NRK: variants seen among roughly 807,000 people sequenced by gnomAD.
NRK encodes the protein nik-related protein kinase.
Under a neutral mutation model 125.2 loss-of-function variants are expected in NRK, and 67 were observed. The ratio of observed to expected loss-of-function variants is 0.54; its 90% CI spans 0.44 to 0.66. The LOEUF is 0.66. Among genes scored for constraint, NRK ranks in the 30% least tolerant of loss-of-function variants. The probability of loss-of-function intolerance (pLI) is 0.00; values close to 1 mark genes in which losing one functional copy is unlikely to be tolerated. For synonymous variants in NRK, 458 were observed against 429.0 expected, an observed-to-expected ratio of 1.07 and a Z score of -0.84; for missense variants, 1,224 against 1,192.9, an observed-to-expected ratio of 1.03 and a Z score of -0.38.
At chrX:105,886,631 A>G (rs1014219474) in intron 4 of NRK, among the ~76,000 whole-genome samples, 2 of 106,627 alleles carry the variant, frequency 1.9e-5, no homozygotes, top group African/African-American at 3.4e-5. Context: ...AAGAATATAC[A>G]CTAAACAGTT....
intron 2 of NRK, among the ~76,000 whole-genome samples, chrX:105,863,283 A>G (rs2039625197): frequency 9.2e-6 from 1 of 108,230 alleles, no homozygotes; most frequent in Non-Finnish European, 1.9e-5. Context: ...CTTTATTTAG[A>G]CTGGCCAAAC....
chrX:105,825,319 T>C (rs2039078477), intron 1 of NRK, among the ~76,000 whole-genome samples: 1 of 112,213 alleles, frequency 8.9e-6, no homozygotes, highest in Non-Finnish European at 1.9e-5. Context: ...TTATCCTCAA[T>C]AGGACATATG....
intron 9 of NRK, 22 bp downstream of exon 9, chrX:105,900,694 T>G: frequency 1.0e-6 from 1 of 987,732 alleles, no homozygotes; most frequent in Non-Finnish European, 1.4e-6. Flanking sequence ...ATGTTTGATA[T>G]TTGTTAAAGA....
At chrX:105,840,843 CTG>C (rs1229943427) in intron 2 of NRK, among the ~76,000 whole-genome samples, 14 of 102,400 alleles carry the variant, frequency 1.4e-4, no homozygotes, top group South Asian at 8.1e-4. Flanking sequence ...ATGTATGTGT[CTG>C]TGTGTGTGTG....
Position 105,946,430 on chromosome X carries a change from C to T in NRK, c.4319C>T (p.Ser1440Phe). Residue 1440 changes from serine to phenylalanine, a missense_variant, in exon 26 of 29, where the codon TCT becomes TTT. Ser to Phe is a radical substitution (Grantham distance 155). Coordinates refer to ENST00000243300, the MANE Select transcript of NRK (RefSeq NM_198465.4). ...GGATATCACCTCATCGATGCAGAAT[C>T]TGAGGTTATGTCTGATGTGACCCTG... is the stretch of plus-strand genomic sequence containing the variant. ...ADGYHLIDAESEVMSDVTLPK... is the reference protein window; with the variant it reads ...ADGYHLIDAEFEVMSDVTLPK... The T allele has an allele frequency of 2.5e-6, 3 of 1,197,837 alleles. No homozygotes were observed. Among genetic ancestry groups the T allele is most frequent in the Non-Finnish European group, 2.3e-6 (2 of 884,388 alleles).
chrX:105,908,355 C>A, intron 12 of NRK, 52 bp downstream of exon 12: 1 of 610,598 alleles, frequency 1.6e-6, no homozygotes, highest in Non-Finnish European at 2.5e-6. Flanking sequence ...TCACATAAGG[C>A]CGTTGATTCC....
chrX:105,896,798 G>A (rs1454068465), intron 7 of NRK, among the ~76,000 whole-genome samples: 1 of 111,844 alleles, frequency 8.9e-6, no homozygotes, highest in Admixed American at 9.5e-5. Flanking sequence ...AACTATGATT[G>A]TGCCACTGCA....
chrX:105,825,290 A>G (rs185440422), intron 1 of NRK, among the ~76,000 whole-genome samples: 23 of 112,337 alleles, frequency 2.0e-4, no homozygotes, highest in African/African-American at 7.4e-4. Flanking sequence ...CCTTCATATG[A>G]TGGTATCCCT....
In NRK at chrX:105,909,076, A is replaced by G. The variant is rs771583983; in HGVS notation, c.1435A>G (p.Met479Val). 8.3e-7 allele frequency: 1 copy of G among 1,209,178 alleles called. No individual in the cohort carries two copies. Among genetic ancestry groups the G allele is most frequent in the East Asian group, 3.0e-5 (1 of 33,675 alleles). The change falls in exon 13 of 29, where the codon ATG becomes GTG. Residue 479 changes from methionine (M) to valine (V), a missense_variant. Met to Val is a conservative substitution (Grantham distance 21). Transcript: ENST00000243300. ...ACTACGGAGGGCAGCCAGGGTGCTC[A>G]TGCCACTACAGGCACAGGTTAGGGC... ...PRLRRAARVL[M>V]PLQAQVRAPR...
intron 2 of NRK, among the ~76,000 whole-genome samples, chrX:105,857,811 A>G (rs770567018): frequency 3.9e-4 from 44 of 111,773 alleles, no homozygotes; most frequent in African/African-American, 1.4e-3. Flanking sequence ...CAATAGTTAA[A>G]ACTAACTCTG....
chrX:105,911,035 C>G (rs150284612), intron 13 of NRK, among the ~76,000 whole-genome samples: 1,352 of 111,353 alleles, frequency 0.012, 8 homozygotes, highest in Non-Finnish European at 0.018. Context: ...GGTCAGAGAG[C>G]AAGCTGACCT....
intron 1 of NRK, among the ~76,000 whole-genome samples, chrX:105,827,709 G>A (rs1257948838): frequency 8.9e-6 from 1 of 112,063 alleles, no homozygotes; most frequent in Non-Finnish European, 1.9e-5. Context: ...AGTACAACAG[G>A]TTTGTCTAAC....
At chrX:105,892,319 A>C (rs1306985802) in intron 5 of NRK, among the ~76,000 whole-genome samples, 1 of 112,306 alleles carries the variant, frequency 8.9e-6, no homozygotes, top group Non-Finnish European at 1.9e-5. Flanking sequence ...TGAGATCTGA[A>C]GGATGAATAA....
intron 8 of NRK, 92 bp from the exon 9 acceptor site, chrX:105,900,526 A>T: frequency 1.8e-6 from 1 of 559,514 alleles, no homozygotes; most frequent in Non-Finnish European, 3.0e-6. Flanking sequence ...TGGCATTGAC[A>T]TCCACACCCC....
At chrX:105,882,173 C>A (rs1054803836) in intron 4 of NRK, among the ~76,000 whole-genome samples, 1 of 110,873 alleles carries the variant, frequency 9.0e-6, no homozygotes, top group African/African-American at 3.3e-5. Flanking sequence ...ACATTCTGGA[C>A]TAATTGCTTT....
chrX:105,912,752 TGAGG>T lies in NRK; in HGVS notation c.2347_2349+1del. On this transcript the variant is annotated splice_donor_variant and coding_sequence_variant, in exon 14 of 29. Coordinates refer to ENST00000243300, the MANE Select transcript of NRK (RefSeq NM_198465.4). LOFTEE classifies it high-confidence loss of function. ...CATACATTTCAAATCCTAAAAAAAT[TGAGG>T]TAAATTTTTCAATATGAGTTGTTGT... is the stretch of plus-strand genomic sequence containing the variant. 9.9e-7 allele frequency: 1 copy of T among 1,006,385 alleles called. No homozygotes were observed. 82.9% of individuals were successfully genotyped at this position (1,006,385 alleles called of 1,213,427 possible).
Position 105,934,247 on chromosome X carries a change from A to G in NRK, c.3313-11A>G. ...TAATGAAATAAAAATTGGTTTTTGG[A>G]CTTCTTTTAGGAGCCAGGTGGTGGA... On this transcript the variant is annotated splice_polypyrimidine_tract_variant and intron_variant, in intron 19 of 28. Coordinates refer to ENST00000243300, the MANE Select transcript of NRK (RefSeq NM_198465.4). 1 of 1,128,257 alleles carries G rather than the reference A, an allele frequency of 8.9e-7. No individual in the cohort carries two copies. Among genetic ancestry groups the G allele is most frequent in the Admixed American group, 3.0e-5 (1 of 33,416 alleles). 93.0% of individuals were successfully genotyped at this position (1,128,257 alleles called of 1,213,427 possible). A position where few individuals can be genotyped will look rare whatever the true frequency, so the allele number is the denominator to read the frequency against.
rs769050255 is a variant in NRK, at chrX:105,908,106, T to C, written c.1022-134T>C. On this transcript the variant is annotated intron_variant, in intron 11 of 28. Coordinates refer to ENST00000243300, the MANE Select transcript of NRK (RefSeq NM_198465.4). ...ATGGTCTACATCACAAACCAAGTAC[T>C]TTTGAAGGGCTACCTTCTTGCCCTT... 6.3e-5 allele frequency: 24 copies of C among 379,849 alleles called. 1 individual carries two copies. In the South Asian group the frequency reaches 1.8e-3, roughly 29 times the overall value. The allele number at this position is 379,849 out of a possible 1,213,427, so 31.3% of individuals were successfully genotyped here.
At chrX:105,900,534 C>T (rs1247108273) in intron 8 of NRK, 84 bp from the exon 9 acceptor site, 1 of 590,812 alleles carries the variant, frequency 1.7e-6, no homozygotes, top group Non-Finnish European at 2.8e-6. Flanking sequence ...ACATCCACAC[C>T]CCCAGCTAAA....
Sources: gnomAD v4.1 joint callset for allele counts (sites outside exome capture counted in the v4.1 genomes callset) on GRCh38, gnomAD v4.1.1 for gene constraint, MANE v1.5 for transcripts, NCBI Gene and HGNC (gene_info 2026-07-23, HGNC 2026-07-21) for gene names.